BCAS3: variants seen among roughly 807,000 people sequenced by gnomAD.
BCAS3 encodes BCAS4/BCAS3 fusion.
Under a neutral mutation model 116.1 loss-of-function variants are expected in BCAS3, and 53 were observed. The ratio of observed to expected loss-of-function variants is 0.46; its 90% CI spans 0.37 to 0.57. The LOEUF (loss-of-function observed/expected upper bound fraction) is 0.57, where lower values mean the gene tolerates loss of function less well. Among genes scored for constraint, BCAS3 ranks in the 20% least tolerant of loss-of-function variants. The pLI is 0.00. For missense variants in BCAS3, 917 were observed against 1,165.4 expected, an observed-to-expected ratio of 0.79 and a Z score of 3.10; for synonymous variants, 391 against 408.2, an observed-to-expected ratio of 0.96 and a Z score of 0.51.
chr17:60,818,070 G>T (rs573049213), intron 7 of BCAS3, among the ~76,000 whole-genome samples: 1 of 152,002 alleles, frequency 6.6e-6, no homozygotes, highest in Admixed American at 6.6e-5. Context: ...GGCCAGGCTG[G>T]TCTTGAACTC....
rs2081746981 is a variant in BCAS3 at position 61,215,784 on chromosome 17, T to C, written c.2425+131220T>C. On this transcript the variant is annotated intron_variant, in intron 22 of 23. Coordinates refer to ENST00000407086, the MANE Select transcript of BCAS3 (RefSeq NM_017679.5). This position sits in a 1 kb window ranked among gnomAD's most constrained non-coding sequence, Gnocchi z 4.8. ...TAGTGCAGTAGTTCTCAACCTTGAC[T>C]ATATATTAGAATTCCTTGGAGACCT... Among the ~76,000 whole-genome samples, 2 of 152,194 alleles carry C rather than the reference T, an allele frequency of 1.3e-5. No individual in the cohort carries two copies. The highest frequency in any genetic ancestry group is 6.5e-5 in the Admixed American group (1 of 15,282).
intron 12 of BCAS3, among the ~76,000 whole-genome samples, chr17:60,917,111 T>C (rs541151620): frequency 2.6e-5 from 4 of 152,332 alleles, no homozygotes; most frequent in Non-Finnish European, 5.9e-5. Context: ...AAAATCTAAA[T>C]ATTCATCAAC....
chr17:60,734,360 C>T (rs188912822), intron 5 of BCAS3, among the ~76,000 whole-genome samples: 1 of 152,228 alleles, frequency 6.6e-6, no homozygotes, highest in African/African-American at 2.4e-5. Flanking sequence ...GAACTCTTGG[C>T]CTCAAGCAGT....
chr17:60,749,398 A>G (rs775786783), intron 6 of BCAS3, among the ~76,000 whole-genome samples: 5 of 152,116 alleles, frequency 3.3e-5, no homozygotes, highest in Admixed American at 1.3e-4. Context: ...TTTGTTCCCA[A>G]TGTTCTGAGA....
chr17:60,686,414 A>G (rs1212693880), intron 3 of BCAS3, among the ~76,000 whole-genome samples: 2 of 149,702 alleles, frequency 1.3e-5, no homozygotes, highest in Admixed American at 6.6e-5. Context: ...TTGGACTGGT[A>G]GCAGCTTCTT....
intron 19 of BCAS3, among the ~76,000 whole-genome samples, chr17:61,071,448 G>A (rs532159294): frequency 4.1e-4 from 63 of 152,298 alleles, no homozygotes; most frequent in Non-Finnish European, 6.3e-4. Flanking sequence ...AAATTTTAAT[G>A]TGTAATAAAA....
In BCAS3 at chr17:61,344,842, C is replaced by T. The variant is rs75741931; in HGVS notation, c.2426-23485C>T. On this transcript the variant is annotated intron_variant, in intron 22 of 23. Transcript: ENST00000407086. The surrounding 1 kb of genome is among the most constrained non-coding windows in gnomAD (Gnocchi z 4.1). ...GTCATTAAGTAAGGGACAACCATGGCGAGGAGTTGCAATGTCACTCCAGCC... is the reference window on the plus strand; with the variant it reads ...GTCATTAAGTAAGGGACAACCATGGTGAGGAGTTGCAATGTCACTCCAGCC... 0.091 allele frequency among the ~76,000 whole-genome samples: 13,751 copies of T among 151,898 alleles called. 784 individuals are homozygous for T. The highest frequency in any genetic ancestry group is 0.16 in the African/African-American group (6,530 of 41,402).
Position 61,249,175 on chromosome 17 carries a change from T to C in BCAS3, c.2426-119152T>C, listed in dbSNP as rs573216109. Among the ~76,000 whole-genome samples, 4 of 152,168 alleles carry C rather than the reference T, an allele frequency of 2.6e-5. No homozygotes were observed. The East Asian group carries it at 7.7e-4, about 29-fold the overall frequency. On this transcript the variant is annotated intron_variant, in intron 22 of 23. Coordinates refer to ENST00000407086, the MANE Select transcript of BCAS3 (RefSeq NM_017679.5). This position sits in a 1 kb window ranked among gnomAD's most constrained non-coding sequence, Gnocchi z 6.2. ...GGTGGCGGGTGCCTGTAATCCCAGCTACTCGGGAGGCTGAGGCAGGAGAAT... is the reference window on the plus strand; with the variant it reads ...GGTGGCGGGTGCCTGTAATCCCAGCCACTCGGGAGGCTGAGGCAGGAGAAT...
chr17:60,984,961 G>A (rs2063036937), intron 14 of BCAS3, among the ~76,000 whole-genome samples: 2 of 134,044 alleles, frequency 1.5e-5, no homozygotes, highest in Admixed American at 1.7e-4. Context: ...AGTGAGCCGA[G>A]ATTGCACCAC....
chr17:61,130,285 A>C lies in BCAS3; in HGVS notation c.2425+45721A>C, dbSNP rs2076260673. Among the ~76,000 whole-genome samples, 1 of 152,224 alleles carries C rather than the reference A, an allele frequency of 6.6e-6. No homozygotes were observed. The highest frequency in any genetic ancestry group is 1.5e-5 in the Non-Finnish European group (1 of 68,038). On this transcript the variant is annotated intron_variant, in intron 22 of 23. Transcript: ENST00000407086. The surrounding 1 kb of genome is among the most constrained non-coding windows in gnomAD (Gnocchi z 5.0). ...TATTTCTCTCAATTCTAAATCCCAG[A>C]GCACCATAGAAACTGGCAAAATATC...
intron 22 of BCAS3, among the ~76,000 whole-genome samples, chr17:61,117,372 T>C (rs2075534549): frequency 6.6e-6 from 1 of 152,008 alleles, no homozygotes; most frequent in African/African-American, 2.4e-5. Flanking sequence ...GCAGGAGAAT[T>C]GCTTGAAGCC....
chr17:61,318,131 A>G (rs1250677209), intron 22 of BCAS3, among the ~76,000 whole-genome samples: 1 of 152,194 alleles, frequency 6.6e-6, no homozygotes, highest in Non-Finnish European at 1.5e-5. Flanking sequence ...CGCCACCATC[A>G]CACCAGGAGT....
intron 16 of BCAS3, chr17:61,027,398 A>T (rs761369145): frequency 2.2e-6 from 1 of 449,720 alleles, no homozygotes; most frequent in South Asian, 1.6e-5. Flanking sequence ...TAGGTATTTA[A>T]GGAGCTACAT....
At chr17:61,374,553 GC>G (rs1338098239) in intron 23 of BCAS3, among the ~76,000 whole-genome samples, 1 of 152,180 alleles carries the variant, frequency 6.6e-6, no homozygotes, top group Non-Finnish European at 1.5e-5. Flanking sequence ...CCTTCCTGCG[GC>G]CCCGGGCTCA....
chr17:60,769,697 G>T (rs951815123), intron 6 of BCAS3, among the ~76,000 whole-genome samples: 1 of 152,214 alleles, frequency 6.6e-6, no homozygotes, highest in Non-Finnish European at 1.5e-5. Flanking sequence ...GTGTGAAGGT[G>T]CCCTGCCTCC....
At position 60,872,097 on chromosome 17, in the gene BCAS3, T is replaced by G. The variant is rs571921645; in HGVS notation, c.585-2565T>G. Among the ~76,000 whole-genome samples the G allele has an allele frequency of 2.6e-5, 4 of 152,144 alleles. No individual in the cohort carries two copies. In the East Asian group the frequency reaches 7.7e-4, roughly 29 times the overall value. ...AGCTCTTTTGTTACTATACGTATGG[T>G]ATGTATTTTTCCATTTTTCAGTTTT... On this transcript the variant is annotated intron_variant, in intron 8 of 23. Transcript: ENST00000407086.
In BCAS3 at chr17:61,141,532, T is replaced by G. The variant is rs936639728; in HGVS notation, c.2425+56968T>G. ...ATGATCACACCACAGCACTCCAGCC[T>G]GGGCGGCAGAGCGAGACCCTGTCTC... On this transcript the variant is annotated intron_variant, in intron 22 of 23. Coordinates refer to ENST00000407086, the MANE Select transcript of BCAS3 (RefSeq NM_017679.5). The surrounding 1 kb of genome is among the most constrained non-coding windows in gnomAD (Gnocchi z 4.3). Among the ~76,000 whole-genome samples, 1 of 152,146 alleles carries G rather than the reference T, an allele frequency of 6.6e-6. No individual in the cohort carries two copies. The highest frequency in any genetic ancestry group is 1.5e-5 in the Non-Finnish European group (1 of 68,028).
chr17:61,384,713 A>C (rs1257053889), intron 23 of BCAS3: 1 of 152,266 alleles, frequency 6.6e-6, no homozygotes. Flanking sequence ...CTGGTATAGC[A>C]TGTGGTGACC....
In BCAS3 at chr17:60,924,518, C is replaced by CTTTT. The variant is rs75229063; in HGVS notation, c.1087+33_1087+36dup. The stretch of plus-strand genomic sequence containing the variant: ...TACAAGTGGTAAGTTCGCTCTCTGT[C>CTTTT]TTTTTTTTTTTTTTTTTTGTAGACC... On this transcript the variant is annotated intron_variant, in intron 13 of 23. Transcript: ENST00000407086. 147 of 1,100,040 alleles carry CTTTT rather than the reference C, an allele frequency of 1.3e-4. No homozygotes were observed. The highest frequency in any genetic ancestry group is 4.9e-4 in the South Asian group (29 of 59,518). 68.1% of individuals were successfully genotyped at this position (1,100,040 alleles called of 1,614,324 possible). A position where few individuals can be genotyped will look rare whatever the true frequency, so the allele number is the denominator to read the frequency against.
Sources: gnomAD v4.1 joint callset for allele counts (sites outside exome capture counted in the v4.1 genomes callset) on GRCh38, gnomAD v4.1.1 for gene constraint, Gnocchi (gnomAD v3.1) non-coding constraint, MANE v1.5 for transcripts, NCBI Gene and HGNC (gene_info 2026-07-23, HGNC 2026-07-21) for gene names.